The following KIAA0825 variants were observed in gnomAD, a reference collection of about 807,000 sequenced individuals.
KIAA0825 encodes KIAA0825.
A neutral mutation model predicts 147.6 loss-of-function variants in KIAA0825; 119 were observed. The observed-to-expected ratio is 0.81, with a 90% CI of 0.69 to 0.94. The LOEUF (loss-of-function observed/expected upper bound fraction) is 0.94. Among genes scored for constraint, KIAA0825 ranks in the 40% least tolerant of loss-of-function variants. The pLI is 0.00. For missense variants in KIAA0825, 1,381 were observed against 1,472.7 expected (o/e 0.94, Z 1.02); for synonymous variants, 470 against 518.1 (o/e 0.91, Z 1.26).
Position 94,484,829 on chromosome 5 carries a change from C to G in KIAA0825, c.1072G>C (p.Gly358Arg), listed in dbSNP as rs973160312. The change falls in exon 6 of 21, where the codon GGT becomes CGT. Residue 358 changes from glycine to arginine, a missense_variant. Coordinates refer to ENST00000682413, the MANE Select transcript of KIAA0825 (RefSeq NM_001145678.3). Reference protein sequence around the residue: ...LIKSFMKLEKGVQELFDEILL... With the variant: ...LIKSFMKLEKRVQELFDEILL... ...ATTTCGTCAAACAATTCTTGAACAC[C>G]TTTTTCCAGTTTCATAAAGGATTTT... is the stretch of plus-strand genomic sequence containing the variant. The G allele has an allele frequency of 2.6e-6, 4 of 1,531,080 alleles. No homozygotes were observed. The highest frequency in any genetic ancestry group is 2.0e-5 in the Admixed American group (1 of 50,502). 94.8% of individuals were successfully genotyped at this position (1,531,080 alleles called of 1,614,324 possible).
intron 20 of KIAA0825, among the ~76,000 whole-genome samples, chr5:94,242,718 A>C (rs1775413483): frequency 6.6e-6 from 1 of 151,524 alleles, no homozygotes; most frequent in Admixed American, 6.6e-5. Context: ...CTCTGCCTCC[A>C]GGGTTCAAGT....
At chr5:94,227,654 G>GAGTT (rs1214618667) in intron 20 of KIAA0825, among the ~76,000 whole-genome samples, 2 of 151,912 alleles carry the variant, frequency 1.3e-5, no homozygotes, top group African/African-American at 4.8e-5. Flanking sequence ...TAAAAAAGAT[G>GAGTT]AGTTCATGTC....
At chr5:94,201,405 A>G (rs1562310018) in intron 20 of KIAA0825, among the ~76,000 whole-genome samples, 1 of 151,706 alleles carries the variant, frequency 6.6e-6, no homozygotes, top group Non-Finnish European at 1.5e-5. Flanking sequence ...AAACTATTCA[A>G]TGACACTTTA....
intron 1 of KIAA0825, among the ~76,000 whole-genome samples, 180 bp from the exon 2 acceptor site, chr5:94,582,763 A>C (rs1461051860): frequency 6.6e-6 from 1 of 152,192 alleles, no homozygotes; most frequent in Admixed American, 6.5e-5. Flanking sequence ...ACATAAGAAA[A>C]GCTTATTAAT....
intron 20 of KIAA0825, among the ~76,000 whole-genome samples, chr5:94,268,128 C>T (rs2150139425): frequency 6.6e-6 from 1 of 152,166 alleles, no homozygotes; most frequent in Non-Finnish European, 1.5e-5. Flanking sequence ...AAAGAGGACT[C>T]ACAGAGTAGA....
At chr5:94,336,232 A>G (rs1285758116) in intron 20 of KIAA0825, among the ~76,000 whole-genome samples, 1 of 151,494 alleles carries the variant, frequency 6.6e-6, no homozygotes, top group African/African-American at 2.4e-5. Flanking sequence ...TGAGCACCCA[A>G]TGATAGTACA....
chr5:94,464,899 T>A lies in KIAA0825; in HGVS notation c.2033A>T (p.His678Leu). Residue 678 changes from histidine (H) to leucine (L), a missense_variant, in exon 11 of 21, where the codon CAC becomes CTC. Coordinates refer to ENST00000682413, the MANE Select transcript of KIAA0825 (RefSeq NM_001145678.3). ...SLLASRYARAHPSRKRTPQLR... is the reference protein window; with the variant it reads ...SLLASRYARALPSRKRTPQLR... ...CTGTGGAGTTCTTTTACGGCTGGGG[T>A]GGGCCCGAGCGTATCTGGAGGCCAG... is the stretch of plus-strand genomic sequence containing the variant. The A allele has an allele frequency of 6.5e-7, 1 of 1,548,356 alleles. No individual in the cohort carries two copies. The highest frequency in any genetic ancestry group is 8.7e-7 in the Non-Finnish European group (1 of 1,145,468).
chr5:94,243,512 G>T (rs891877393), intron 20 of KIAA0825, among the ~76,000 whole-genome samples: 1 of 152,122 alleles, frequency 6.6e-6, no homozygotes, highest in Non-Finnish European at 1.5e-5. Context: ...AGAGTGCCTG[G>T]CCCATAGCAA....
chr5:94,337,136 A>G (rs1781890121), intron 20 of KIAA0825, among the ~76,000 whole-genome samples: 1 of 152,184 alleles, frequency 6.6e-6, no homozygotes, highest in Non-Finnish European at 1.5e-5. Context: ...GGGAGCAAGG[A>G]TCGACTGCAG....
At chr5:94,465,989 A>G (rs78717877) in intron 10 of KIAA0825, among the ~76,000 whole-genome samples, 598 of 152,358 alleles carry the variant, frequency 3.9e-3, no homozygotes, top group Non-Finnish European at 6.5e-3. Flanking sequence ...ATTAGAATGC[A>G]TTCCTCAAGC....
chr5:94,559,958 C>T (rs959853904), intron 2 of KIAA0825, among the ~76,000 whole-genome samples: 4 of 152,180 alleles, frequency 2.6e-5, no homozygotes, highest in African/African-American at 9.7e-5. Context: ...TGCATTAATG[C>T]AGCCAGGCCT....
chr5:94,496,126 G>A (rs1322522627), intron 5 of KIAA0825, among the ~76,000 whole-genome samples: 3 of 152,198 alleles, frequency 2.0e-5, no homozygotes, highest in South Asian at 2.1e-4. Context: ...AGGTTGGCAC[G>A]TGACAGCTCA....
At position 94,152,886 on chromosome 5, in the gene KIAA0825, ATATATATATATATAT is replaced by A. The variant is rs1766687586; in HGVS notation, c.*1106_*1120del. On this transcript the variant is annotated 3_prime_UTR_variant, in exon 21 of 21. Coordinates refer to ENST00000682413, the MANE Select transcript of KIAA0825 (RefSeq NM_001145678.3). ...TATATATATATATATATATATATATATATATATATATATATATGGTTTCTCCCAGACGTTCTTAGA... is the reference window on the plus strand; with the variant it reads ...TATATATATATATATATATATATATAATGGTTTCTCCCAGACGTTCTTAGA... 1 of 72,342 alleles carries A rather than the reference ATATATATATATATAT, an allele frequency of 1.4e-5. No individual in the cohort carries two copies. Among genetic ancestry groups the A allele is most frequent in the African/African-American group, 5.3e-5 (1 of 19,040 alleles). The allele number at this position is 72,342 out of a possible 1,614,324, so 4.5% of individuals were successfully genotyped here.
intron 14 of KIAA0825, among the ~76,000 whole-genome samples, chr5:94,428,208 G>A (rs1475683797): frequency 6.9e-6 from 1 of 145,970 alleles, no homozygotes; most frequent in African/African-American, 2.5e-5. Flanking sequence ...AATTCAACTT[G>A]TTACTCTGTG....
At chr5:94,290,527 C>T (rs1385504942) in intron 20 of KIAA0825, among the ~76,000 whole-genome samples, 3 of 152,164 alleles carry the variant, frequency 2.0e-5, no homozygotes, top group Non-Finnish European at 2.9e-5. Context: ...TTTATCCAAT[C>T]TATCACTGAT....
At chr5:94,526,890 A>G (rs1457146056) in intron 3 of KIAA0825, among the ~76,000 whole-genome samples, 1 of 151,988 alleles carries the variant, frequency 6.6e-6, no homozygotes, top group East Asian at 1.9e-4. Context: ...AGTGTGTACA[A>G]TGTGCTAAGG....
intron 18 of KIAA0825, 70 bp downstream of exon 18, chr5:94,391,465 T>A: frequency 6.7e-7 from 1 of 1,484,066 alleles, no homozygotes; most frequent in Admixed American, 2.0e-5. Context: ...TGACTAACCC[T>A]TAGCTGCCAG....
At chr5:94,173,042 G>C in intron 20 of KIAA0825, among the ~76,000 whole-genome samples, 1 of 152,194 alleles carries the variant, frequency 6.6e-6, no homozygotes, top group South Asian at 2.1e-4. Flanking sequence ...TAGTAATAAA[G>C]TTAAATTATT....
rs1384481947 is a variant in KIAA0825 at position 94,501,657 on chromosome 5, G to T, written c.971-16727C>A. Among the ~76,000 whole-genome samples, 3 of 152,016 alleles carry T rather than the reference G, an allele frequency of 2.0e-5. No individual in the cohort carries two copies. In the East Asian group the frequency reaches 5.8e-4, roughly 29 times the overall value. On this transcript the variant is annotated intron_variant, in intron 5 of 20. Coordinates refer to ENST00000682413, the MANE Select transcript of KIAA0825 (RefSeq NM_001145678.3). ...ACCCATTTAAAAAATCATAATTAAT[G>T]ACTTGATGAATCTATCTAGATATTC... is the stretch of plus-strand genomic sequence containing the variant.
Sources: allele counts gnomAD v4.1 joint callset (sites outside exome capture counted in the v4.1 genomes callset), GRCh38; gene constraint gnomAD v4.1.1; transcripts MANE v1.5; gene names NCBI Gene and HGNC (gene_info 2026-07-23, HGNC 2026-07-21).